The following ADAMTS9 variants were observed in gnomAD, a reference collection of about 807,000 sequenced individuals.
The protein encoded by ADAMTS9 is ADAM metallopeptidase with thrombospondin type 1 motif 9, also known as A disintegrin and metalloproteinase with thrombospondin motifs 9.
In ADAMTS9, 107 loss-of-function variants were observed where a neutral mutation model predicts 257.1. That is an observed-to-expected ratio of 0.42 (90% CI 0.36 to 0.49). The LOEUF is 0.49. Ranked by LOEUF, ADAMTS9 falls within the 20% of genes least tolerant of loss-of-function variation. The probability of loss-of-function intolerance (pLI) is 0.03; values close to 1 mark genes in which losing one functional copy is unlikely to be tolerated. For synonymous variants in ADAMTS9, 982 were observed against 880.9 expected (o/e 1.11, Z -2.03); for missense variants, 2,353 against 2,469.1 (o/e 0.95, Z 1.00).
chr3:64,622,097 A>C (rs1219029459), intron 18 of ADAMTS9, 101 bp downstream of exon 18: 12 of 1,253,984 alleles, frequency 9.6e-6, no homozygotes, highest in Non-Finnish European at 9.7e-6. Flanking sequence ...GTATGCAGAT[A>C]GAAGGGTTTG....
chr3:64,687,093 T>C lies in ADAMTS9; in HGVS notation c.116-125A>G. Reference sequence around the variant, plus strand: ...CCCATTCGAGTCAATCCCTTCACCCTTAATCAGTGGACAAATATTTGCTGA... The same window carrying C: ...CCCATTCGAGTCAATCCCTTCACCCCTAATCAGTGGACAAATATTTGCTGA... On this transcript the variant is annotated intron_variant, in intron 1 of 39. Coordinates refer to ENST00000498707, the MANE Select transcript of ADAMTS9 (RefSeq NM_182920.2). This position sits in a 1 kb window ranked among gnomAD's most constrained non-coding sequence, Gnocchi z 4.4. 8.6e-7 allele frequency: 1 copy of C among 1,158,878 alleles called. No homozygotes were observed. The highest frequency in any genetic ancestry group is 1.2e-6 in the Non-Finnish European group (1 of 829,676). The allele number at this position is 1,158,878 out of a possible 1,614,324, so 71.8% of individuals were successfully genotyped here. A position where few individuals can be genotyped will look rare whatever the true frequency, so the allele number is the denominator to read the frequency against.
chr3:64,642,871 G>C (rs1415938780), intron 11 of ADAMTS9, among the ~76,000 whole-genome samples: 1 of 152,184 alleles, frequency 6.6e-6, no homozygotes, highest in African/African-American at 2.4e-5. Flanking sequence ...GGGAGAGGCA[G>C]AGAGGTCTGA....
chr3:64,664,412 T>C (rs1413586175), intron 3 of ADAMTS9, among the ~76,000 whole-genome samples: 1 of 152,194 alleles, frequency 6.6e-6, no homozygotes, highest in East Asian at 1.9e-4. Context: ...AGAAATCCGA[T>C]ACCTCTTAGC....
intron 22 of ADAMTS9, among the ~76,000 whole-genome samples, chr3:64,612,487 A>G (rs2084683691): frequency 6.6e-6 from 1 of 152,202 alleles, no homozygotes. Flanking sequence ...TGCCCATATC[A>G]GTGATAGAAA....
intron 31 of ADAMTS9, 124 bp downstream of exon 31, chr3:64,550,768 A>T: frequency 8.3e-7 from 1 of 1,208,216 alleles, no homozygotes; most frequent in Non-Finnish European, 1.2e-6. Context: ...CACACAGTTC[A>T]CAGTGGCAAA....
intron 28 of ADAMTS9, among the ~76,000 whole-genome samples, chr3:64,572,631 G>A (rs1409288467): frequency 6.6e-6 from 1 of 152,096 alleles, no homozygotes; most frequent in Non-Finnish European, 1.5e-5. Context: ...CAAGGACCTG[G>A]ACATCCAAAA....
intron 2 of ADAMTS9, chr3:64,685,153 T>C (rs1041804512): frequency 6.6e-6 from 1 of 152,236 alleles, no homozygotes; most frequent in Non-Finnish European, 1.5e-5. Flanking sequence ...GGCGCTTTGC[T>C]GGGGGCTAAA....
chr3:64,528,380 T>G (rs913219230), intron 38 of ADAMTS9, among the ~76,000 whole-genome samples: 3 of 152,172 alleles, frequency 2.0e-5, no homozygotes, highest in African/African-American at 4.8e-5. Flanking sequence ...AGCTTGAAAT[T>G]CTGACATTTT....
Position 64,624,303 on chromosome 3 carries a change from G to A in ADAMTS9, c.2390-1717C>T, listed in dbSNP as rs555530401. Reference sequence around the variant, plus strand: ...GAAAGAAAAGGAAAGAGGAAGGAAGGAGGGAAGAAAAGAAAAAAGAAAACA... The same window carrying A: ...GAAAGAAAAGGAAAGAGGAAGGAAGAAGGGAAGAAAAGAAAAAAGAAAACA... On this transcript the variant is annotated intron_variant, in intron 16 of 39. Coordinates refer to ENST00000498707, the MANE Select transcript of ADAMTS9 (RefSeq NM_182920.2). Among the ~76,000 whole-genome samples the A allele has an allele frequency of 4.0e-5, 6 of 150,822 alleles. 1 individual carries two copies. Among genetic ancestry groups the A allele is most frequent in the African/African-American group, 1.2e-4 (5 of 41,014 alleles).
At chr3:64,613,022 A>T (rs2084695166) in intron 22 of ADAMTS9, among the ~76,000 whole-genome samples, 1 of 152,128 alleles carries the variant, frequency 6.6e-6, no homozygotes, top group Non-Finnish European at 1.5e-5. Flanking sequence ...TAACAGACCC[A>T]CAGAGGCACG....
At chr3:64,546,256 G>C (rs2083197627) in intron 32 of ADAMTS9, among the ~76,000 whole-genome samples, 1 of 150,938 alleles carries the variant, frequency 6.6e-6, no homozygotes, top group Non-Finnish European at 1.5e-5. Context: ...TTTTTTTTCA[G>C]ATTTGGAATA....
At chr3:64,529,305 C>T (rs562053790) in intron 38 of ADAMTS9, among the ~76,000 whole-genome samples, 5 of 152,240 alleles carry the variant, frequency 3.3e-5, no homozygotes, top group African/African-American at 1.2e-4. Context: ...GACAGCGTTA[C>T]TGTTCTTCAA....
At chr3:64,577,273 G>A (rs968360327) in intron 28 of ADAMTS9, among the ~76,000 whole-genome samples, 2 of 152,088 alleles carry the variant, frequency 1.3e-5, no homozygotes, top group Non-Finnish European at 2.9e-5. Flanking sequence ...CCCTCATGTG[G>A]GTAACAGGGC....
In ADAMTS9 at chr3:64,681,208, G is replaced by C. The variant is rs1434037336; in HGVS notation, c.672C>G (p.Asp224Glu). Reference sequence around the variant, plus strand: ...TAAGCAAGAAGCAAATACCTGAGGTGTCACATGCATGCCTTCCTGTTGAGG... The same window carrying C: ...TAAGCAAGAAGCAAATACCTGAGGTCTCACATGCATGCCTTCCTGTTGAGG... ...REPSTGRHAC[D>E]TSEHKNRHSK... The change falls in exon 3 of 40, where the codon GAC becomes GAG. Residue 224 changes from aspartate (D) to glutamate (E), a missense_variant. Transcript: ENST00000498707. The C allele has an allele frequency of 1.9e-6, 3 of 1,612,182 alleles. No homozygotes were observed. The highest frequency in any genetic ancestry group is 2.5e-6 in the Non-Finnish European group (3 of 1,179,540).
At chr3:64,630,494 T>C (rs7626179) in intron 16 of ADAMTS9, among the ~76,000 whole-genome samples, 81,696 of 152,066 alleles carry the variant, frequency 0.54, 23,483 homozygotes, top group African/African-American at 0.75. Context: ...GGAGGATCAC[T>C]TGAGCCTGGG....
intron 39 of ADAMTS9, among the ~76,000 whole-genome samples, chr3:64,520,227 C>T (rs960813979): frequency 1.2e-4 from 19 of 152,032 alleles, no homozygotes; most frequent in African/African-American, 4.6e-4. Context: ...CCTAGGAATA[C>T]ATCTAATCAA....
intron 6 of ADAMTS9, among the ~76,000 whole-genome samples, chr3:64,654,922 G>C (rs992257269): frequency 6.6e-6 from 1 of 152,140 alleles, no homozygotes; most frequent in African/African-American, 2.4e-5. Flanking sequence ...AAGACTCTTT[G>C]AGAACATTCC....
intron 28 of ADAMTS9, among the ~76,000 whole-genome samples, chr3:64,576,914 C>T (rs865949093): frequency 1.1e-4 from 16 of 152,248 alleles, no homozygotes; most frequent in Middle Eastern, 6.8e-3. Flanking sequence ...AGGGAGACAA[C>T]GAGGGGCTCA....
intron 3 of ADAMTS9, among the ~76,000 whole-genome samples, chr3:64,669,505 AT>A: frequency 6.6e-6 from 1 of 152,196 alleles, no homozygotes; most frequent in Non-Finnish European, 1.5e-5. Flanking sequence ...CCTCTTATCC[AT>A]AAAGAGAAGG....
Sources: allele counts gnomAD v4.1 joint callset (sites outside exome capture counted in the v4.1 genomes callset), GRCh38; gene constraint gnomAD v4.1.1; non-coding constraint Gnocchi (gnomAD v3.1); transcripts MANE v1.5; gene names NCBI Gene and HGNC (gene_info 2026-07-23, HGNC 2026-07-21).